ADAMTS17: variants seen among roughly 807,000 people sequenced by gnomAD.
ADAMTS17 encodes the protein ADAM metallopeptidase with thrombospondin type 1 motif 17.
Under a neutral mutation model 141.5 loss-of-function variants are expected in ADAMTS17, and 113 were observed. That is an observed-to-expected ratio of 0.80 (90% confidence interval 0.69 to 0.93). ADAMTS17 has a LOEUF of 0.93. Ranked by LOEUF, ADAMTS17 falls within the 40% of genes least tolerant of loss-of-function variation. ADAMTS17 has a pLI of 0.00. For synonymous variants in ADAMTS17, 768 were observed against 630.6 expected (o/e 1.22, Z -3.27); for missense variants, 1,659 against 1,517.9 (o/e 1.09, Z -1.54).
intron 7 of ADAMTS17, among the ~76,000 whole-genome samples, chr15:100,249,108 CTT>C (rs1437592210): frequency 6.6e-6 from 1 of 152,136 alleles, no homozygotes; most frequent in Non-Finnish European, 1.5e-5. Flanking sequence ...CCTGGTGTGA[CTT>C]TTTGAAAGCA....
At chr15:100,106,529 G>C (rs1191590922) in intron 14 of ADAMTS17, among the ~76,000 whole-genome samples, 1 of 152,202 alleles carries the variant, frequency 6.6e-6, no homozygotes, top group African/African-American at 2.4e-5. Flanking sequence ...CAAGATCATG[G>C]ATGGAGCCCA....
intron 8 of ADAMTS17, among the ~76,000 whole-genome samples, chr15:100,178,899 G>A (rs2040427898): frequency 6.6e-6 from 1 of 152,100 alleles, no homozygotes; most frequent in Non-Finnish European, 1.5e-5. Flanking sequence ...TTTCAGATGA[G>A]AAACCTATCG....
intron 7 of ADAMTS17, among the ~76,000 whole-genome samples, chr15:100,225,655 G>A (rs1422986403): frequency 6.9e-6 from 1 of 145,178 alleles, no homozygotes; most frequent in Non-Finnish European, 1.5e-5. Flanking sequence ...CAGCAGTCAC[G>A]GTCTCTGTGC....
chr15:100,259,846 T>C (rs1184009951), intron 6 of ADAMTS17, among the ~76,000 whole-genome samples: 1 of 152,006 alleles, frequency 6.6e-6, no homozygotes, highest in African/African-American at 2.4e-5. Context: ...AGGATTTTGG[T>C]TTTTGTTTTT....
At chr15:100,230,843 C>T (rs963533954) in intron 7 of ADAMTS17, among the ~76,000 whole-genome samples, 1 of 104,250 alleles carries the variant, frequency 9.6e-6, no homozygotes, top group Non-Finnish European at 2.3e-5. Context: ...CCAAACACCT[C>T]CTGAAACAGG....
At chr15:100,081,041 T>C (rs889729122) in intron 15 of ADAMTS17, among the ~76,000 whole-genome samples, 2 of 152,168 alleles carry the variant, frequency 1.3e-5, no homozygotes, top group Non-Finnish European at 2.9e-5. Flanking sequence ...GATGTGTCTG[T>C]GAGGGTGTTG....
chr15:100,121,627 A>C (rs912495589), intron 12 of ADAMTS17, among the ~76,000 whole-genome samples: 1 of 152,134 alleles, frequency 6.6e-6, no homozygotes, highest in African/African-American at 2.4e-5. Flanking sequence ...GAAAATTAAC[A>C]CATTCCCAGA....
intron 7 of ADAMTS17, among the ~76,000 whole-genome samples, chr15:100,201,298 C>G (rs566280555): frequency 6.6e-6 from 1 of 152,186 alleles, no homozygotes; most frequent in African/African-American, 2.4e-5. Context: ...CTCATGAGAG[C>G]TGATGGTTTT....
intron 7 of ADAMTS17, among the ~76,000 whole-genome samples, chr15:100,211,099 C>CAAATAAAT (rs372084235): frequency 0.12 from 16,285 of 131,726 alleles, 1,255 homozygotes; most frequent in Middle Eastern, 0.18. Context: ...GACTCAGTCT[C>CAAATAAAT]AAATAAATAA....
rs146420059 is a variant in ADAMTS17 at position 100,002,509 on chromosome 15, G to A, written c.2592-4920C>T. Among the ~76,000 whole-genome samples the A allele has an allele frequency of 6.0e-4, 91 of 152,140 alleles. 3 individuals are homozygous for A. Among genetic ancestry groups the A allele is most frequent in the Admixed American group, 2.5e-3 (38 of 15,290 alleles). ...ATCCAGGACACACTGGGGGGACGAGGGAAGAGCTGGGCGAGGCTCAGCAGT... is the reference window on the plus strand; with the variant it reads ...ATCCAGGACACACTGGGGGGACGAGAGAAGAGCTGGGCGAGGCTCAGCAGT... On this transcript the variant is annotated intron_variant, in intron 18 of 21. Transcript: ENST00000268070.
chr15:100,184,107 G>A (rs954478294), intron 8 of ADAMTS17, among the ~76,000 whole-genome samples: 4 of 152,196 alleles, frequency 2.6e-5, no homozygotes, highest in African/African-American at 9.7e-5. Flanking sequence ...CACAAGTTGA[G>A]TAGGCCTGGG....
chr15:100,138,046 T>G (rs1182687870), intron 10 of ADAMTS17, among the ~76,000 whole-genome samples: 1 of 152,214 alleles, frequency 6.6e-6, no homozygotes, highest in Non-Finnish European at 1.5e-5. Flanking sequence ...GGCACTGAAG[T>G]TGGGAGAAGT....
At chr15:100,057,579 C>A (rs1426969706) in intron 15 of ADAMTS17, among the ~76,000 whole-genome samples, 3 of 152,172 alleles carry the variant, frequency 2.0e-5, no homozygotes, top group Non-Finnish European at 4.4e-5. Context: ...CCACTGTGCC[C>A]ATGACACGGC....
At chr15:100,301,872 C>A (rs2045051587) in intron 3 of ADAMTS17, among the ~76,000 whole-genome samples, 1 of 152,110 alleles carries the variant, frequency 6.6e-6, no homozygotes, top group Non-Finnish European at 1.5e-5. Flanking sequence ...ACTATTAAAG[C>A]ATCCTAATTT....
At chr15:100,049,240 T>G (rs893425783) in intron 17 of ADAMTS17, among the ~76,000 whole-genome samples, 3 of 152,182 alleles carry the variant, frequency 2.0e-5, no homozygotes, top group Non-Finnish European at 2.9e-5. Context: ...CAGCAACACC[T>G]CAGATCAGCG....
chr15:100,333,666 G>A (rs971236121), intron 2 of ADAMTS17, among the ~76,000 whole-genome samples: 32 of 152,192 alleles, frequency 2.1e-4, no homozygotes, highest in African/African-American at 5.5e-4. Flanking sequence ...CCACGACTGC[G>A]CGTGGCCCCA....
chr15:100,122,326 T>C (rs1168254235), intron 12 of ADAMTS17, among the ~76,000 whole-genome samples: 2 of 152,250 alleles, frequency 1.3e-5, no homozygotes, highest in Non-Finnish European at 2.9e-5. Context: ...TCTTCAGTTT[T>C]AAGTCATTAT....
At chr15:100,167,444 G>C (rs1305858532) in intron 8 of ADAMTS17, among the ~76,000 whole-genome samples, 1 of 152,108 alleles carries the variant, frequency 6.6e-6, no homozygotes, top group African/African-American at 2.4e-5. Context: ...TGCGGATGCC[G>C]TCATCCGTGA....
intron 14 of ADAMTS17, among the ~76,000 whole-genome samples, chr15:100,104,298 AAATACAC>A (rs2036294175): frequency 6.6e-6 from 1 of 152,214 alleles, no homozygotes; most frequent in Non-Finnish European, 1.5e-5. Flanking sequence ...GCTTGCTGAA[AAATACAC>A]AATGTTTCTG....
Sources: allele counts gnomAD v4.1 joint callset (sites outside exome capture counted in the v4.1 genomes callset), GRCh38; gene constraint gnomAD v4.1.1; transcripts MANE v1.5; gene names NCBI Gene and HGNC (gene_info 2026-07-23, HGNC 2026-07-21).